The following CARMIL1 variants were observed in gnomAD, a reference collection of about 807,000 sequenced individuals.
CARMIL1 encodes F-actin-uncapping protein LRRC16A.
A neutral mutation model predicts 177.1 loss-of-function variants in CARMIL1; 90 were observed. The observed-to-expected ratio is 0.51, with a 90% CI of 0.43 to 0.61. The LOEUF is 0.61. CARMIL1 is among the 20% of genes least tolerant of loss of function. The probability of loss-of-function intolerance (pLI) is 0.00; values close to 1 mark genes in which losing one functional copy is unlikely to be tolerated. For missense variants in CARMIL1, 1,380 were observed against 1,667.0 expected (o/e 0.83, Z 3.00); for synonymous variants, 577 against 606.2 (o/e 0.95, Z 0.71).
chr6:25,387,382 G>A (rs1325155500), intron 2 of CARMIL1, among the ~76,000 whole-genome samples: 3 of 152,284 alleles, frequency 2.0e-5, no homozygotes, highest in South Asian at 4.1e-4. Flanking sequence ...AGATATAAAA[G>A]TCAATGAATA....
intron 24 of CARMIL1, among the ~76,000 whole-genome samples, chr6:25,534,934 A>G (rs1206261478): frequency 6.6e-6 from 1 of 152,374 alleles, no homozygotes; most frequent in East Asian, 1.9e-4. Flanking sequence ...GAACAGTTGT[A>G]TCAACTTGTG....
intron 8 of CARMIL1, among the ~76,000 whole-genome samples, chr6:25,459,842 C>T (rs566989986): frequency 6.6e-6 from 1 of 152,248 alleles, no homozygotes; most frequent in Admixed American, 6.5e-5. Context: ...GCCATGTTGC[C>T]AGGACTCATG....
chr6:25,317,158 T>C (rs966224101), intron 2 of CARMIL1, among the ~76,000 whole-genome samples: 2 of 152,182 alleles, frequency 1.3e-5, no homozygotes, highest in South Asian at 2.1e-4. Flanking sequence ...CTTTCTTTTT[T>C]TGGGATGGGG....
At chr6:25,356,105 C>T (rs866150258) in intron 2 of CARMIL1, among the ~76,000 whole-genome samples, 31 of 148,976 alleles carry the variant, frequency 2.1e-4, no homozygotes, top group Non-Finnish European at 3.8e-4. Flanking sequence ...GGCCGGACTG[C>T]GGACTGCAGT....
intron 2 of CARMIL1, among the ~76,000 whole-genome samples, chr6:25,361,152 C>T (rs1386524369): frequency 6.6e-6 from 1 of 152,102 alleles, no homozygotes; most frequent in African/African-American, 2.4e-5. Context: ...TTTGAAGTTT[C>T]GCTCAAATCT....
In CARMIL1 at chr6:25,600,468, C is replaced by T. The variant is rs1487891941; in HGVS notation, c.3274C>T (p.Pro1092Ser). The T allele has an allele frequency of 6.2e-7, 1 of 1,614,060 alleles. No homozygotes were observed. Among genetic ancestry groups the T allele is most frequent in the South Asian group, 1.1e-5 (1 of 91,088 alleles). Reference sequence around the variant, plus strand: ...ACCAACGATCTTGATGACAGAAGAACCCTCCTCACCAAAAGGGGCAGTCAG... The same window carrying T: ...ACCAACGATCTTGATGACAGAAGAATCCTCCTCACCAAAAGGGGCAGTCAG... ...RPPTILMTEE[P>S]SSPKGAVRSP... The change falls in exon 33 of 37, where the codon CCC (proline) becomes TCC (serine). Residue 1092 changes from proline (P) to serine (S), a missense_variant. Pro to Ser is a moderately conservative substitution (Grantham distance 74, BLOSUM62 -1). Transcript: ENST00000329474.
chr6:25,565,952 T>C lies in CARMIL1; in HGVS notation c.2742+9102T>C, dbSNP rs147322606. On this transcript the variant is annotated intron_variant, in intron 29 of 36. Transcript: ENST00000329474. ...TATCTCATATATAGTATGTCCCAAA[T>C]AGAATCATTGAGTTCCCCCTTTCCC... Among the ~76,000 whole-genome samples the C allele has an allele frequency of 2.3e-3, 358 of 152,348 alleles. 4 individuals are homozygous for C. Among genetic ancestry groups the C allele is most frequent in the Admixed American group, 8.8e-3 (135 of 15,306 alleles).
At chr6:25,405,583 CTCTG>C (rs1198014929) in intron 2 of CARMIL1, among the ~76,000 whole-genome samples, 5 of 152,224 alleles carry the variant, frequency 3.3e-5, no homozygotes, top group African/African-American at 1.2e-4. Flanking sequence ...GGAACTGAAA[CTCTG>C]TCTTTCTGTA....
intron 24 of CARMIL1, among the ~76,000 whole-genome samples, chr6:25,536,138 A>T (rs962478083): frequency 6.6e-6 from 1 of 152,142 alleles, no homozygotes; most frequent in Non-Finnish European, 1.5e-5. Flanking sequence ...CCAAATGTAT[A>T]TCAGTTTCTT....
chr6:25,520,181 G>A, intron 22 of CARMIL1, 63 bp from the exon 23 acceptor site: 4 of 779,770 alleles, frequency 5.1e-6, no homozygotes, highest in Non-Finnish European at 8.2e-6. Flanking sequence ...TAAAAGAAGA[G>A]TGCTGAATTA....
chr6:25,361,037 T>C (rs184275924), intron 2 of CARMIL1, among the ~76,000 whole-genome samples: 53 of 152,262 alleles, frequency 3.5e-4, no homozygotes, highest in Admixed American at 2.4e-3. Flanking sequence ...TGAGTATGCT[T>C]TCCTACCCTT....
chr6:25,374,783 C>CT (rs1021317803), intron 2 of CARMIL1, among the ~76,000 whole-genome samples: 5 of 151,732 alleles, frequency 3.3e-5, no homozygotes, highest in Admixed American at 6.6e-5. Context: ...CATTTTTTGT[C>CT]TTTTTTTACT....
chr6:25,472,355 C>A, intron 10 of CARMIL1, 72 bp from the exon 11 acceptor site: 2 of 1,066,142 alleles, frequency 1.9e-6, no homozygotes, highest in South Asian at 1.4e-5. Flanking sequence ...TCACTCTGTT[C>A]TAAGCTTTAA....
At chr6:25,543,800 G>C (rs1433104367) in intron 26 of CARMIL1, among the ~76,000 whole-genome samples, 3 of 152,100 alleles carry the variant, frequency 2.0e-5, no homozygotes, top group Non-Finnish European at 4.4e-5. Flanking sequence ...GAAGATTTCA[G>C]GGCATTTTAG....
chr6:25,506,076 G>C (rs1246425174), intron 17 of CARMIL1, among the ~76,000 whole-genome samples: 1 of 152,188 alleles, frequency 6.6e-6, no homozygotes, highest in African/African-American at 2.4e-5. Flanking sequence ...AAACTTTTGA[G>C]ACAGTTTCAG....
chr6:25,451,986 G>GGGGGGGGGGGCCCCC, intron 8 of CARMIL1: 2 of 112,668 alleles, frequency 1.8e-5, no homozygotes, highest in East Asian at 2.0e-4. Flanking sequence ...CTAGCATCTT[G>GGGGGGGGGGGCCCCC]CCCCCCCCTC....
Position 25,509,525 on chromosome 6 carries a change from T to C in CARMIL1, c.1396-131T>C. On this transcript the variant is annotated intron_variant, in intron 17 of 36. Coordinates refer to ENST00000329474, the MANE Select transcript of CARMIL1 (RefSeq NM_017640.6). The surrounding 1 kb of genome is among the most constrained non-coding windows in gnomAD (Gnocchi z 4.1). ...CCCACTGATAATAGCTTCTTTGGAGTTGATAAGCTTTTACTTTTTCTTTGG... is the reference window on the plus strand; with the variant it reads ...CCCACTGATAATAGCTTCTTTGGAGCTGATAAGCTTTTACTTTTTCTTTGG... The C allele has an allele frequency of 1.5e-6, 1 of 656,190 alleles. No individual in the cohort carries two copies. The highest frequency in any genetic ancestry group is 2.8e-5 in the East Asian group (1 of 35,284). 40.6% of individuals were successfully genotyped at this position (656,190 alleles called of 1,614,324 possible).
chr6:25,355,520 C>A (rs999922312), intron 2 of CARMIL1, among the ~76,000 whole-genome samples: 10 of 152,108 alleles, frequency 6.6e-5, no homozygotes, highest in African/African-American at 2.2e-4. Context: ...TGGTGTGCAC[C>A]TGCTACTGCG....
At chr6:25,303,837 C>T (rs780990985) in intron 2 of CARMIL1, among the ~76,000 whole-genome samples, 2 of 152,096 alleles carry the variant, frequency 1.3e-5, no homozygotes, top group African/African-American at 4.8e-5. Context: ...GTAAAGGACA[C>T]GTAAGTTTTA....
Sources: allele counts gnomAD v4.1 joint callset (sites outside exome capture counted in the v4.1 genomes callset), GRCh38; gene constraint gnomAD v4.1.1; non-coding constraint Gnocchi (gnomAD v3.1); transcripts MANE v1.5; gene names NCBI Gene and HGNC (gene_info 2026-07-23, HGNC 2026-07-21).